The following VARS2 variants were observed in gnomAD, a reference collection of about 807,000 sequenced individuals.
The protein encoded by VARS2 is valyl-tRNA synthetase 2, mitochondrial, also known as valine--tRNA ligase, mitochondrial.
A neutral mutation model predicts 154.1 loss-of-function variants in VARS2; 105 were observed. That is an observed-to-expected ratio of 0.68 (90% CI 0.58 to 0.80). VARS2 has a LOEUF of 0.80. VARS2 is among the 30% of genes least tolerant of loss of function. The pLI is 0.00. For missense variants in VARS2, 1,157 were observed against 1,361.4 expected (o/e 0.85, Z 2.36); for synonymous variants, 483 against 539.5 (o/e 0.90, Z 1.45).
At position 30,916,700 on chromosome 6, in the gene VARS2, A is replaced by G; in HGVS notation, c.672-178A>G. ...TATAGAATCTTTTGCCTCTTTTAAT[A>G]TCTTAGAAAACCCCATACTGGGTTT... On this transcript the variant is annotated intron_variant, in intron 7 of 29. Coordinates refer to ENST00000676266, the MANE Select transcript of VARS2 (RefSeq NM_020442.6). The surrounding 1 kb of genome is among the most constrained non-coding windows in gnomAD (Gnocchi z 4.0). 3.2e-6 allele frequency: 2 copies of G among 633,688 alleles called. No individual in the cohort carries two copies. Among genetic ancestry groups the G allele is most frequent in the Non-Finnish European group, 2.8e-6 (1 of 356,050 alleles). The allele number at this position is 633,688 out of a possible 1,614,324, so 39.3% of individuals were successfully genotyped here. A position where few individuals can be genotyped will look rare whatever the true frequency, so the allele number is the denominator to read the frequency against.
chr6:30,919,526 C>T lies in VARS2; in HGVS notation c.1075-232C>T, dbSNP rs559491724. ...TTATCTATGGCTGCTATTATATACC[C>T]TCTCCAGCTCTGCTGCAGTGGCATA... On this transcript the variant is annotated intron_variant, in intron 11 of 29. Transcript: ENST00000676266. This position sits in a 1 kb window ranked among gnomAD's most constrained non-coding sequence, Gnocchi z 4.5. 2.5e-6 allele frequency: 1 copy of T among 407,648 alleles called. No individual in the cohort carries two copies. The highest frequency in any genetic ancestry group is 3.7e-5 in the East Asian group (1 of 27,148). 25.3% of individuals were successfully genotyped at this position (407,648 alleles called of 1,614,324 possible).
chr6:30,925,296 T>A lies in VARS2; in HGVS notation c.2696T>A (p.Leu899Gln). 3 of 1,612,342 alleles carry A rather than the reference T, an allele frequency of 1.9e-6. No homozygotes were observed. Among genetic ancestry groups the A allele is most frequent in the Non-Finnish European group, 2.5e-6 (3 of 1,179,718 alleles). The change falls in exon 27 of 30, where the codon CTG becomes CAG. Residue 899 changes from leucine (L) to glutamine (Q), a missense_variant. Physicochemically the swap from Leu to Gln is moderately radical, Grantham distance 113. Transcript: ENST00000676266. Reference protein sequence around the residue: ...CSLEHWRQPELERRFSRVQEV... With the variant: ...CSLEHWRQPEQERRFSRVQEV... The stretch of plus-strand genomic sequence containing the variant: ...CAGGAGCACTGGCGCCAGCCAGAGC[T>A]GGAGCGGCGCTTCTCCCGGGTCCAA...
rs1794356040 is a variant in VARS2, at chr6:30,919,210, C to T, written c.1074+295C>T. ...CTTGGCTCACTGCAACCTCCACCTC[C>T]TGGGTTCAAGCAATTCTCCTGCCTC... On this transcript the variant is annotated intron_variant, in intron 11 of 29. Transcript: ENST00000676266. The surrounding 1 kb of genome is among the most constrained non-coding windows in gnomAD (Gnocchi z 4.5). 1 of 291,400 alleles carries T rather than the reference C, an allele frequency of 3.4e-6. No homozygotes were observed. Among genetic ancestry groups the T allele is most frequent in the Non-Finnish European group, 6.4e-6 (1 of 156,936 alleles). The allele number at this position is 291,400 out of a possible 1,614,324, so 18.1% of individuals were successfully genotyped here.
rs1479993385 is a variant in VARS2 at position 30,920,469 on chromosome 6, AC to A, written c.1397+37del. ...CATTTTAACTCCTTTACTAAGGGCT[AC>A]CCCAAAAGGGAATGTATGGAGCTTA... On this transcript the variant is annotated intron_variant, in intron 14 of 29. Coordinates refer to ENST00000676266, the MANE Select transcript of VARS2 (RefSeq NM_020442.6). This position sits in a 1 kb window ranked among gnomAD's most constrained non-coding sequence, Gnocchi z 4.6. 6.4e-7 allele frequency: 1 copy of A among 1,570,276 alleles called. No homozygotes were observed. The highest frequency in any genetic ancestry group is 8.6e-7 in the Non-Finnish European group (1 of 1,158,920).
Position 30,921,260 on chromosome 6 carries a change from G to C in VARS2, c.1587G>C (p.Trp529Cys). The C allele has an allele frequency of 1.2e-6, 2 of 1,614,120 alleles. No individual in the cohort carries two copies. The highest frequency in any genetic ancestry group is 1.7e-6 in the Non-Finnish European group (2 of 1,180,026). Reference protein sequence around the residue: ...GDWCVSRQLWWGHQIPAYLVV... With the variant: ...GDWCVSRQLWCGHQIPAYLVV... ...GGTGTGTCTCCCGGCAGCTGTGGTGGGGCCATCAGATTCCAGCCTACCTGG... is the reference window on the plus strand; with the variant it reads ...GGTGTGTCTCCCGGCAGCTGTGGTGCGGCCATCAGATTCCAGCCTACCTGG... Residue 529 changes from tryptophan (W) to cysteine (C), a missense_variant, in exon 17 of 30, where the codon TGG becomes TGC. Trp to Cys is a radical substitution (Grantham distance 215). Coordinates refer to ENST00000676266, the MANE Select transcript of VARS2 (RefSeq NM_020442.6). The surrounding 1 kb of genome is among the most constrained non-coding windows in gnomAD (Gnocchi z 4.6).
rs1794324036 is a variant in VARS2 at position 30,918,706 on chromosome 6, G to T, written c.986-121G>T. ...TACTTTTTTCTAGTCACTCCTGGGGGCCTCTTCCACCTTGACTACTCCCTG... is the reference window on the plus strand; with the variant it reads ...TACTTTTTTCTAGTCACTCCTGGGGTCCTCTTCCACCTTGACTACTCCCTG... On this transcript the variant is annotated intron_variant, in intron 10 of 29. Transcript: ENST00000676266. 4.0e-6 allele frequency: 3 copies of T among 745,920 alleles called. No individual in the cohort carries two copies. In the Admixed American group the frequency reaches 6.7e-5, roughly 17 times the overall value. 46.2% of individuals were successfully genotyped at this position (745,920 alleles called of 1,614,324 possible).
In VARS2 at chr6:30,917,013, G is replaced by A; in HGVS notation, c.753+54G>A. 1 of 1,613,544 alleles carries A rather than the reference G, an allele frequency of 6.2e-7. No homozygotes were observed. The highest frequency in any genetic ancestry group is 1.1e-5 in the South Asian group (1 of 91,052). ...AGTGATGGGCGATGTTTAGGGATCT[G>A]TGTGGGGCAGGGAGGAAGCAATGCC... On this transcript the variant is annotated intron_variant, in intron 8 of 29. Transcript: ENST00000676266. This position sits in a 1 kb window ranked among gnomAD's most constrained non-coding sequence, Gnocchi z 4.4.
chr6:30,922,583 A>T, intron 21 of VARS2, 29 bp downstream of exon 21: 1 of 1,558,908 alleles, frequency 6.4e-7, no homozygotes, highest in Non-Finnish European at 8.7e-7. Flanking sequence ...CTAGAGGGAC[A>T]AGGTTTGCAG....
At position 30,915,165 on chromosome 6, in the gene VARS2, G is replaced by A. The variant is rs1794071422; in HGVS notation, c.211G>A (p.Glu71Lys). 1 of 1,614,240 alleles carries A rather than the reference G, an allele frequency of 6.2e-7. No homozygotes were observed. ...EIAGESKSPA[E>K]SIKAWRPKEL... Reference sequence around the variant, plus strand: ...TGCTTTCTCTTCTCAGTCACCTGCAGAATCCATTAAGGCCTGGAGGCCTAA... The same window carrying A: ...TGCTTTCTCTTCTCAGTCACCTGCAAAATCCATTAAGGCCTGGAGGCCTAA... Residue 71 changes from glutamate (E) to lysine (K), a missense_variant, in exon 3 of 30, where the codon GAA (glutamate) becomes AAA (lysine). Glu to Lys is a moderately conservative substitution (Grantham distance 56). Transcript: ENST00000676266.
chr6:30,923,305 G>A (rs1365325785), intron 24 of VARS2, 48 bp from the exon 25 acceptor site: 1 of 1,606,296 alleles, frequency 6.2e-7, no homozygotes, highest in East Asian at 2.2e-5. Flanking sequence ...TGGAAGGAAA[G>A]GAGGCAGGGG....
rs142142336 is a variant in VARS2 at position 30,919,271 on chromosome 6, C to T, written c.1074+356C>T. 5.2e-3 allele frequency: 1,131 copies of T among 216,284 alleles called. 10 individuals are homozygous for T. The highest frequency in any genetic ancestry group is 8.3e-3 in the Non-Finnish European group (916 of 110,116). 13.4% of individuals were successfully genotyped at this position (216,284 alleles called of 1,614,324 possible). A position where few individuals can be genotyped will look rare whatever the true frequency, so the allele number is the denominator to read the frequency against. ...GTAGCTGGGAGCGTGGCACCATGCCCGGCACGTGCCACCACACCCAGCTAA... is the reference window on the plus strand; with the variant it reads ...GTAGCTGGGAGCGTGGCACCATGCCTGGCACGTGCCACCACACCCAGCTAA... On this transcript the variant is annotated intron_variant, in intron 11 of 29. Coordinates refer to ENST00000676266, the MANE Select transcript of VARS2 (RefSeq NM_020442.6). This position sits in a 1 kb window ranked among gnomAD's most constrained non-coding sequence, Gnocchi z 4.5.
In VARS2 at chr6:30,921,474, C is replaced by T. The variant is rs1225440094; in HGVS notation, c.1633-115C>T. ...TCCCTGAAGTGGCATTTCTTTATCT[C>T]ACCCCTGGGGGAACCTGGCCACTCT... is the stretch of plus-strand genomic sequence containing the variant. On this transcript the variant is annotated intron_variant, in intron 17 of 29. Coordinates refer to ENST00000676266, the MANE Select transcript of VARS2 (RefSeq NM_020442.6). This position sits in a 1 kb window ranked among gnomAD's most constrained non-coding sequence, Gnocchi z 4.6. The T allele has an allele frequency of 4.9e-6, 7 of 1,432,896 alleles. No individual in the cohort carries two copies. The highest frequency in any genetic ancestry group is 6.7e-6 in the Non-Finnish European group (7 of 1,040,804). The allele number at this position is 1,432,896 out of a possible 1,614,324, so 88.8% of individuals were successfully genotyped here. A position where few individuals can be genotyped will look rare whatever the true frequency, so the allele number is the denominator to read the frequency against.
At chr6:30,926,052 A>T (rs1172897260) in intron 29 of VARS2, 44 bp downstream of exon 29, 2 of 1,612,824 alleles carry the variant, frequency 1.2e-6, no homozygotes, top group African/African-American at 2.7e-5. Context: ...CCCTGAGGGA[A>T]TGTGGGCCAG....
chr6:30,915,803 G>T lies in VARS2; in HGVS notation c.442G>T (p.Val148Phe). 3 of 1,614,024 alleles carry T rather than the reference G, an allele frequency of 1.9e-6. No homozygotes were observed. Among genetic ancestry groups the T allele is most frequent in the Non-Finnish European group, 2.5e-6 (3 of 1,180,030 alleles). Residue 148 changes from valine (V) to phenylalanine (F), a missense_variant, in exon 5 of 30, where the codon GTC (valine) becomes TTC (phenylalanine). Coordinates refer to ENST00000676266, the MANE Select transcript of VARS2 (RefSeq NM_020442.6). ...TFSMCIPPPN[V>F]TGSLHIGHAL... The stretch of plus-strand genomic sequence containing the variant: ...TTCCATGTGTATCCCACCTCCCAAT[G>T]TCACTGGCTCCCTGCACATTGGCCA...
In VARS2 at chr6:30,925,985, G is replaced by T; in HGVS notation, c.3067G>T (p.Ala1023Ser). Reference sequence around the variant, plus strand: ...AGCCAGGACCCCATCAGAAGGGGAGGCAGGGACTCAGAGGCAACAAAAGGT... The same window carrying T: ...AGCCAGGACCCCATCAGAAGGGGAGTCAGGGACTCAGAGGCAACAAAAGGT... ...LTARTPSEGEAGTQRQQKLSS... is the reference protein window; with the variant it reads ...LTARTPSEGESGTQRQQKLSS... The change falls in exon 29 of 30, where the codon GCA becomes TCA. Residue 1023 changes from alanine to serine, a missense_variant. By Grantham distance (99) the Ala-to-Ser change is moderately conservative. Transcript: ENST00000676266. 1.2e-6 allele frequency: 2 copies of T among 1,613,104 alleles called. No homozygotes were observed. The highest frequency in any genetic ancestry group is 1.7e-6 in the Non-Finnish European group (2 of 1,180,034).
In VARS2 at chr6:30,923,346, C is replaced by G. The variant is rs1273152286; in HGVS notation, c.2314-7C>G. On this transcript the variant is annotated splice_region_variant and splice_polypyrimidine_tract_variant and intron_variant, in intron 24 of 29. Coordinates refer to ENST00000676266, the MANE Select transcript of VARS2 (RefSeq NM_020442.6). The stretch of plus-strand genomic sequence containing the variant: ...GAGTCAGGCCATCCTGCCCCCTCTG[C>G]CTGCAGCTGTCTCCCTCCTCCCCGA... 1 of 1,608,588 alleles carries G rather than the reference C, an allele frequency of 6.2e-7. No homozygotes were observed. The highest frequency in any genetic ancestry group is 8.5e-7 in the Non-Finnish European group (1 of 1,176,866).
In VARS2 at chr6:30,920,691, A is replaced by G. The variant is rs764246833; in HGVS notation, c.1421A>G (p.Tyr474Cys). ...AGCCGTTCTGGGGATGTGATAGAAT[A>G]CCTGCTGAAGAACCAGTGGTTTGTC... ...ICSRSGDVIE[Y>C]LLKNQWFVRC... Residue 474 changes from tyrosine to cysteine, a missense_variant, in exon 15 of 30, where the codon TAC (tyrosine) becomes TGC (cysteine). By Grantham distance (194) the Tyr-to-Cys change is radical (BLOSUM62 -2). Transcript: ENST00000676266. The surrounding 1 kb of genome is among the most constrained non-coding windows in gnomAD (Gnocchi z 4.6). 1 of 1,599,234 alleles carries G rather than the reference A, an allele frequency of 6.3e-7. No homozygotes were observed. The highest frequency in any genetic ancestry group is 1.7e-5 in the Admixed American group (1 of 57,818).
At chr6:30,922,871 C>T (rs181846980) in intron 22 of VARS2, 27 bp from the exon 23 acceptor site, 1 of 1,587,562 alleles carries the variant, frequency 6.3e-7, no homozygotes, top group Admixed American at 1.7e-5. Context: ...AAGGCATCTG[C>T]CACCCTTCTT....
Position 30,922,783 on chromosome 6 carries a change from T to C in VARS2, c.2106+9T>C, listed in dbSNP as rs772357539. The C allele has an allele frequency of 6.2e-7, 1 of 1,605,062 alleles. No individual in the cohort carries two copies. The highest frequency in any genetic ancestry group is 8.5e-7 in the Non-Finnish European group (1 of 1,174,548). On this transcript the variant is annotated intron_variant, in intron 22 of 29. Transcript: ENST00000676266. ...TTGTGGCTGCAGCACAGGTGAGTCATCGCTGCCTGCCCCCCACCAGCTCTA... is the reference window on the plus strand; with the variant it reads ...TTGTGGCTGCAGCACAGGTGAGTCACCGCTGCCTGCCCCCCACCAGCTCTA...
Sources: gnomAD v4.1 joint callset for allele counts on GRCh38, gnomAD v4.1.1 for gene constraint, Gnocchi (gnomAD v3.1) non-coding constraint, MANE v1.5 for transcripts, NCBI Gene and HGNC (gene_info 2026-07-23, HGNC 2026-07-21) for gene names.